The following KDM4C variants were observed in gnomAD, a reference collection of about 807,000 sequenced individuals.
KDM4C encodes lysine demethylase 4C, also known as lysine-specific demethylase 4C.
A neutral mutation model predicts 129.3 loss-of-function variants in KDM4C; 81 were observed. That is an observed-to-expected ratio of 0.63 (90% CI 0.52 to 0.75). The LOEUF (loss-of-function observed/expected upper bound fraction) is 0.75, where lower values mean the gene tolerates loss of function less well. KDM4C is among the 30% of genes least tolerant of loss of function. The pLI is 0.00. For missense variants in KDM4C, 1,457 were observed against 1,304.0 expected, an observed-to-expected ratio of 1.12 and a Z score of -1.81; for synonymous variants, 573 against 456.1, an observed-to-expected ratio of 1.26 and a Z score of -3.26.
At chr9:6,906,589 A>G (rs1414560773) in intron 8 of KDM4C, among the ~76,000 whole-genome samples, 2 of 152,212 alleles carry the variant, frequency 1.3e-5, no homozygotes, top group African/African-American at 4.8e-5. Context: ...CTACAGGCAC[A>G]TGCCGCCATG....
chr9:6,940,087 C>T (rs1257995050), intron 8 of KDM4C, among the ~76,000 whole-genome samples: 5 of 149,174 alleles, frequency 3.4e-5, no homozygotes, highest in Non-Finnish European at 1.5e-5. Context: ...CTCTTTCTTT[C>T]CTTCTTTTCT....
At chr9:7,083,839 G>A (rs1564095155) in intron 17 of KDM4C, among the ~76,000 whole-genome samples, 1 of 151,944 alleles carries the variant, frequency 6.6e-6, no homozygotes, top group East Asian at 1.9e-4. Context: ...GATAGAAGAG[G>A]TTGTGTCCAC....
intron 19 of KDM4C, among the ~76,000 whole-genome samples, chr9:7,147,245 T>C (rs983604367): frequency 6.6e-6 from 1 of 152,218 alleles, no homozygotes; most frequent in Non-Finnish European, 1.5e-5. Flanking sequence ...AAGCAGTACA[T>C]GCATCACTTC....
At chr9:6,755,687 T>C (rs573119947), upstream of KDM4C, among the ~76,000 whole-genome samples, 11 of 152,364 alleles carry the variant, frequency 7.2e-5, no homozygotes, top group Admixed American at 6.5e-4. Context: ...CATTAATATA[T>C]TGCAATTGGG....
rs867164536 is a variant in KDM4C at position 7,055,050 on chromosome 9, T to G, written c.2424+5850T>G. 2.0e-4 allele frequency among the ~76,000 whole-genome samples: 30 copies of G among 152,236 alleles called. 1 individual carries two copies. Among genetic ancestry groups the G allele is most frequent in the Middle Eastern group, 6.8e-3 (2 of 294 alleles). ...AAATTAGCCGGGTGTGGGTGGTGCA[T>G]GCTTGTAGTACCAGCTGCTCGGGAG... On this transcript the variant is annotated intron_variant, in intron 17 of 21. Transcript: ENST00000381309.
chr9:6,763,845 C>T lies in KDM4C; in HGVS notation c.-18+5642C>T, dbSNP rs962007532. 5.9e-5 allele frequency among the ~76,000 whole-genome samples: 9 copies of T among 152,302 alleles called. No homozygotes were observed. In the East Asian group the frequency reaches 1.7e-3, roughly 29 times the overall value. On this transcript the variant is annotated intron_variant, in intron 1 of 21. Coordinates refer to ENST00000381309, the MANE Select transcript of KDM4C (RefSeq NM_015061.6). ...CGATCTTGGCTCACCACAACCTCCG[C>T]CTCCCAGTTTCAAGCAATTCTCCTG...
At chr9:7,027,092 C>G (rs146563476) in intron 15 of KDM4C, among the ~76,000 whole-genome samples, 154 of 152,106 alleles carry the variant, frequency 1.0e-3, no homozygotes, top group African/African-American at 3.6e-3. Context: ...GCCCCTGGTG[C>G]CTTATTTAGT....
chr9:6,757,267 G>C (rs1192765595), upstream of KDM4C, among the ~76,000 whole-genome samples: 9 of 152,122 alleles, frequency 5.9e-5, no homozygotes, highest in Admixed American at 5.9e-4. Context: ...TCTAGTTTCT[G>C]AGGGACCGCC....
At chr9:7,080,875 C>G (rs1390435939) in intron 17 of KDM4C, among the ~76,000 whole-genome samples, 3 of 152,196 alleles carry the variant, frequency 2.0e-5, no homozygotes, top group African/African-American at 7.2e-5. Context: ...AAAACGTTCA[C>G]TGACCACTAG....
At chr9:6,750,905 G>C (rs906809331) in intron 1 of KDM4C, among the ~76,000 whole-genome samples, 5 of 152,206 alleles carry the variant, frequency 3.3e-5, no homozygotes, top group Admixed American at 6.5e-5. Context: ...AGGTGGTTGG[G>C]CTGGAAGGTC....
chr9:6,731,484 C>G (rs763531085), intron 1 of KDM4C, among the ~76,000 whole-genome samples: 1 of 151,964 alleles, frequency 6.6e-6, no homozygotes, highest in Non-Finnish European at 1.5e-5. Flanking sequence ...GCACTACCTA[C>G]CACACCCAGC....
intron 4 of KDM4C, among the ~76,000 whole-genome samples, chr9:6,845,599 C>G (rs929681494): frequency 3.3e-5 from 5 of 152,250 alleles, no homozygotes; most frequent in African/African-American, 1.2e-4. Flanking sequence ...TAATAAAGTT[C>G]TCAGTTACAC....
intron 2 of KDM4C, 139 bp from the exon 3 acceptor site, chr9:6,805,460 T>A: frequency 1.6e-6 from 1 of 618,076 alleles, no homozygotes; most frequent in Non-Finnish European, 2.6e-6. Flanking sequence ...TTGCAAATAT[T>A]CATCTTTTTT....
chr9:6,938,935 A>C lies in KDM4C; in HGVS notation c.922-41990A>C, dbSNP rs538483531. On this transcript the variant is annotated intron_variant, in intron 8 of 21. Coordinates refer to ENST00000381309, the MANE Select transcript of KDM4C (RefSeq NM_015061.6). ...AATGCATAGACCTGTTACTCAAAGC[A>C]ACATTGTATTATATTTGTTGTTCTG... Among the ~76,000 whole-genome samples, 5 of 152,218 alleles carry C rather than the reference A, an allele frequency of 3.3e-5. No homozygotes were observed. In the South Asian group the frequency reaches 1.0e-3, roughly 32 times the overall value.
intron 17 of KDM4C, among the ~76,000 whole-genome samples, chr9:7,093,492 G>A (rs900189002): frequency 1.2e-4 from 18 of 152,180 alleles, no homozygotes; most frequent in Middle Eastern, 3.4e-3. Context: ...TGTGTGCGTG[G>A]TTATTGTTAC....
chr9:6,788,014 T>C (rs1486297190), intron 1 of KDM4C, among the ~76,000 whole-genome samples: 1 of 152,234 alleles, frequency 6.6e-6, no homozygotes, highest in African/African-American at 2.4e-5. Context: ...TCTTTGCTGT[T>C]CCTTGAAGAG....
At chr9:7,080,399 G>A (rs1834395355) in intron 17 of KDM4C, among the ~76,000 whole-genome samples, 1 of 152,146 alleles carries the variant, frequency 6.6e-6, no homozygotes, top group South Asian at 2.1e-4. Context: ...GCCCAGTACT[G>A]TTATCTGAGC....
intron 19 of KDM4C, among the ~76,000 whole-genome samples, chr9:7,134,782 AT>A (rs1841015806): frequency 6.6e-6 from 1 of 152,214 alleles, no homozygotes; most frequent in African/African-American, 2.4e-5. Context: ...TCTGAAGGCC[AT>A]TTTAGAGGCA....
chr9:7,170,561 TTCA>T, intron 21 of KDM4C: 1 of 956,914 alleles, frequency 1.0e-6, no homozygotes. Context: ...TAATTTAGAC[TTCA>T]TATTATTGTA....
Sources: gnomAD v4.1 joint callset for allele counts (sites outside exome capture counted in the v4.1 genomes callset) on GRCh38, gnomAD v4.1.1 for gene constraint, MANE v1.5 for transcripts, NCBI Gene and HGNC (gene_info 2026-07-23, HGNC 2026-07-21) for gene names.